Variants in THSD7A observed in about 807,000 individuals in gnomAD.
THSD7A encodes the protein thrombospondin type 1 domain containing 7A, also known as thrombospondin type-1 domain-containing protein 7A.
THSD7A carries 96 observed loss-of-function variants against 231.3 expected under a neutral mutation model. The observed-to-expected ratio is 0.41, with a 90% CI of 0.35 to 0.49. The LOEUF (loss-of-function observed/expected upper bound fraction) is 0.49. Ranked by LOEUF, THSD7A falls within the 20% of genes least tolerant of loss-of-function variation. The pLI is 0.05. For missense variants in THSD7A, 2,290 were observed against 2,070.2 expected (o/e 1.11, Z -2.06); for synonymous variants, 940 against 743.3 (o/e 1.26, Z -4.30).
At chr7:11,726,512 C>T (rs1458518739) in intron 1 of THSD7A, among the ~76,000 whole-genome samples, 1 of 151,878 alleles carries the variant, frequency 6.6e-6, no homozygotes, top group Non-Finnish European at 1.5e-5. Flanking sequence ...CTGTTTTGGC[C>T]TGAGGTCTGC....
intron 1 of THSD7A, among the ~76,000 whole-genome samples, chr7:11,669,597 T>C (rs1783291559): frequency 6.6e-6 from 1 of 151,960 alleles, no homozygotes; most frequent in Non-Finnish European, 1.5e-5. Context: ...GGTTTCCTTG[T>C]AATTTAAAAT....
chr7:11,514,972 G>A (rs898096760), intron 6 of THSD7A, among the ~76,000 whole-genome samples: 3 of 152,102 alleles, frequency 2.0e-5, no homozygotes, highest in Non-Finnish European at 4.4e-5. Context: ...TTTCTGTTCA[G>A]AAGATCACTT....
At chr7:11,821,069 A>G (rs1453542669) in intron 1 of THSD7A, 1 of 986,928 alleles carries the variant, frequency 1.0e-6, no homozygotes, top group Non-Finnish European at 1.6e-6. Flanking sequence ...GTTTTATGAA[A>G]GTACTGCGGG....
At chr7:11,571,701 G>A (rs952912195) in intron 4 of THSD7A, among the ~76,000 whole-genome samples, 18 of 152,014 alleles carry the variant, frequency 1.2e-4, no homozygotes, top group African/African-American at 3.9e-4. Flanking sequence ...AAATGTAGTC[G>A]TTCAGTTTTT....
At chr7:11,817,219 G>A (rs1251907787) in intron 1 of THSD7A, among the ~76,000 whole-genome samples, 1 of 152,114 alleles carries the variant, frequency 6.6e-6, no homozygotes, top group Admixed American at 6.5e-5. Flanking sequence ...ATCACTCATC[G>A]TATACTTCCA....
chr7:11,550,609 C>G (rs1176434213), intron 4 of THSD7A, among the ~76,000 whole-genome samples: 1 of 152,138 alleles, frequency 6.6e-6, no homozygotes, highest in African/African-American at 2.4e-5. Context: ...TTGCCTTCTG[C>G]CATGATTGTA....
At chr7:11,704,114 G>A (rs1424064261) in intron 1 of THSD7A, among the ~76,000 whole-genome samples, 1 of 150,988 alleles carries the variant, frequency 6.6e-6, no homozygotes, top group Admixed American at 6.6e-5. Context: ...GTTCTCATTA[G>A]AGCTCTTTAA....
chr7:11,544,340 GAA>G (rs955199787), intron 4 of THSD7A, among the ~76,000 whole-genome samples: 9 of 145,432 alleles, frequency 6.2e-5, no homozygotes, highest in Admixed American at 5.5e-4. Context: ...GACACAGTCG[GAA>G]AAAAAAAAAG....
intron 1 of THSD7A, among the ~76,000 whole-genome samples, chr7:11,829,592 A>T (rs967975443): frequency 6.6e-6 from 1 of 152,092 alleles, no homozygotes; most frequent in African/African-American, 2.4e-5. Context: ...AGCTTACCCC[A>T]TTGGAACAGA....
chr7:11,734,463 C>T (rs936422578), intron 1 of THSD7A, among the ~76,000 whole-genome samples: 2 of 151,936 alleles, frequency 1.3e-5, no homozygotes, highest in Non-Finnish European at 2.9e-5. Context: ...GTCTCACATA[C>T]GTGGTCAATC....
At chr7:11,735,830 T>A (rs2128159059) in intron 1 of THSD7A, among the ~76,000 whole-genome samples, 1 of 152,080 alleles carries the variant, frequency 6.6e-6, no homozygotes, top group South Asian at 2.1e-4. Context: ...TATTATAATA[T>A]AAATTGACAT....
intron 1 of THSD7A, among the ~76,000 whole-genome samples, chr7:11,815,477 A>G (rs10236690): frequency 0.37 from 56,405 of 151,794 alleles, 10,784 homozygotes; most frequent in South Asian, 0.51. Flanking sequence ...ATGTACATAT[A>G]TTTAAGCTTT....
chr7:11,623,674 C>T (rs184590136), intron 2 of THSD7A, among the ~76,000 whole-genome samples: 76 of 152,226 alleles, frequency 5.0e-4, no homozygotes, highest in African/African-American at 1.8e-3. Context: ...CTCATCTCTC[C>T]CTCTTCGGCA....
chr7:11,567,241 A>G (rs10046496), intron 4 of THSD7A, among the ~76,000 whole-genome samples: 3,997 of 152,200 alleles, frequency 0.026, 177 homozygotes, highest in African/African-American at 0.089. Flanking sequence ...TCATGGTGGA[A>G]GGTGAAGAGG....
intron 22 of THSD7A, among the ~76,000 whole-genome samples, chr7:11,405,143 T>C (rs1783539831): frequency 7.8e-6 from 1 of 128,808 alleles, no homozygotes; most frequent in Admixed American, 9.0e-5. Context: ...ATTTTTATCA[T>C]CTCAAATGAT....
intron 17 of THSD7A, among the ~76,000 whole-genome samples, chr7:11,416,813 C>T (rs778174738): frequency 1.4e-4 from 22 of 152,102 alleles, no homozygotes; most frequent in Admixed American, 7.2e-4. Context: ...CCCAGAGTCT[C>T]GTGGATGAGC....
chr7:11,443,041 T>A (rs374405713), intron 13 of THSD7A, among the ~76,000 whole-genome samples: 54 of 152,256 alleles, frequency 3.5e-4, no homozygotes, highest in African/African-American at 1.2e-3. Context: ...TTTGAAGTGA[T>A]CAAACATTTC....
chr7:11,812,263 C>T (rs772108533), intron 1 of THSD7A, among the ~76,000 whole-genome samples: 1 of 151,792 alleles, frequency 6.6e-6, no homozygotes, highest in African/African-American at 2.4e-5. Flanking sequence ...TAAACTCCTG[C>T]GTTATTTACT....
chr7:11,412,516 A>T, intron 18 of THSD7A, 140 bp downstream of exon 18: 1 of 989,394 alleles, frequency 1.0e-6, no homozygotes. Flanking sequence ...CTGTCATTTA[A>T]TATGTAATTA....
Sources: allele counts gnomAD v4.1 joint callset (sites outside exome capture counted in the v4.1 genomes callset), GRCh38; gene constraint gnomAD v4.1.1; transcripts MANE v1.5; gene names NCBI Gene and HGNC (gene_info 2026-07-23, HGNC 2026-07-21).